The following EPHB1 variants were observed in gnomAD, a reference collection of about 807,000 sequenced individuals.
EPHB1 encodes ephrin type-B receptor 1.
Under a neutral mutation model 94.4 loss-of-function variants are expected in EPHB1, and 30 were observed. That is an observed-to-expected ratio of 0.32 (90% CI 0.24 to 0.43). The LOEUF is 0.43. Ranked by LOEUF, EPHB1 falls within the 20% of genes least tolerant of loss-of-function variation. The probability of loss-of-function intolerance (pLI) is 1.00; values close to 1 mark genes in which losing one functional copy is unlikely to be tolerated. For synonymous variants in EPHB1, 522 were observed against 489.1 expected (o/e 1.07, Z -0.89); for missense variants, 1,055 against 1,308.3 (o/e 0.81, Z 2.99).
At chr3:134,920,942 T>C (rs945194656) in intron 1 of EPHB1, among the ~76,000 whole-genome samples, 8 of 150,026 alleles carry the variant, frequency 5.3e-5, no homozygotes, top group African/African-American at 2.0e-4. Context: ...TGAGACGGGG[T>C]CTTGTTATGT....
intron 12 of EPHB1, among the ~76,000 whole-genome samples, chr3:135,231,130 C>T (rs1943521547): frequency 6.6e-6 from 1 of 152,170 alleles, no homozygotes; most frequent in Non-Finnish European, 1.5e-5. Context: ...CTTTATTGTC[C>T]CTGGCCTGGC....
chr3:135,095,637 T>C (rs1233255570), intron 3 of EPHB1, among the ~76,000 whole-genome samples: 1 of 152,084 alleles, frequency 6.6e-6, no homozygotes, highest in African/African-American at 2.4e-5. Context: ...AGGCTGCCCC[T>C]CCAAGCGCTC....
chr3:134,878,112 G>A (rs887885624), intron 1 of EPHB1, among the ~76,000 whole-genome samples: 3 of 152,224 alleles, frequency 2.0e-5, no homozygotes, highest in African/African-American at 7.2e-5. Flanking sequence ...CCCAGCTGAG[G>A]ACGGCCTTGG....
intron 1 of EPHB1, among the ~76,000 whole-genome samples, chr3:134,894,759 G>C (rs976252423): frequency 6.6e-5 from 10 of 152,188 alleles, no homozygotes; most frequent in Non-Finnish European, 1.2e-4. Context: ...TAGAAGGTAG[G>C]ATTTTCTCTG....
At chr3:134,889,204 C>A (rs1190353447) in intron 1 of EPHB1, among the ~76,000 whole-genome samples, 1 of 151,778 alleles carries the variant, frequency 6.6e-6, no homozygotes, top group African/African-American at 2.4e-5. Context: ...GAAGATAAGG[C>A]GGGAAGGAAG....
intron 12 of EPHB1, among the ~76,000 whole-genome samples, chr3:135,211,946 T>A (rs1943043370): frequency 6.6e-6 from 1 of 152,204 alleles, no homozygotes; most frequent in Non-Finnish European, 1.5e-5. Context: ...TTCCTCCTTC[T>A]GGTAGGGCTG....
chr3:134,969,268 T>C (rs1933882873), intron 3 of EPHB1, among the ~76,000 whole-genome samples: 1 of 152,262 alleles, frequency 6.6e-6, no homozygotes, highest in South Asian at 2.1e-4. Flanking sequence ...ATCATGATGT[T>C]GATGATCTTT....
intron 1 of EPHB1, among the ~76,000 whole-genome samples, chr3:134,862,415 C>G (rs1395913208): frequency 6.6e-6 from 1 of 151,376 alleles, no homozygotes; most frequent in Non-Finnish European, 1.5e-5. Context: ...ACAGTTCTTT[C>G]TCTGAGGGTA....
chr3:134,850,203 T>C (rs989668187), intron 1 of EPHB1, among the ~76,000 whole-genome samples: 1 of 152,242 alleles, frequency 6.6e-6, no homozygotes, highest in Admixed American at 6.5e-5. Flanking sequence ...TTAAAAGGCC[T>C]CTTTCTTTTC....
intron 3 of EPHB1, among the ~76,000 whole-genome samples, chr3:134,967,243 A>G (rs1248876847): frequency 2.6e-5 from 4 of 152,216 alleles, no homozygotes; most frequent in Non-Finnish European, 4.4e-5. Context: ...AAAAATGAAA[A>G]TGGAGTGGTG....
At chr3:134,868,759 A>G (rs768457675) in intron 1 of EPHB1, among the ~76,000 whole-genome samples, 3 of 152,260 alleles carry the variant, frequency 2.0e-5, no homozygotes, top group Admixed American at 1.3e-4. Context: ...TGGGAAAAAA[A>G]GCTGACAAAC....
At chr3:134,858,740 G>T (rs549254866) in intron 1 of EPHB1, among the ~76,000 whole-genome samples, 2 of 152,348 alleles carry the variant, frequency 1.3e-5, no homozygotes, top group African/African-American at 4.8e-5. Flanking sequence ...CACTAAGGTG[G>T]AGCAGGGAGG....
chr3:134,988,104 T>C (rs776185382), intron 3 of EPHB1, among the ~76,000 whole-genome samples: 20 of 152,206 alleles, frequency 1.3e-4, no homozygotes, highest in African/African-American at 1.7e-4. Context: ...AATTCTCAGT[T>C]GGCATCCATT....
At chr3:135,045,527 A>G (rs1336821965) in intron 3 of EPHB1, among the ~76,000 whole-genome samples, 2 of 152,278 alleles carry the variant, frequency 1.3e-5, no homozygotes, top group African/African-American at 4.8e-5. Flanking sequence ...TGAAATAACA[A>G]TAAACATACA....
At chr3:135,227,025 G>C (rs556939325) in intron 12 of EPHB1, among the ~76,000 whole-genome samples, 2 of 152,138 alleles carry the variant, frequency 1.3e-5, no homozygotes, top group African/African-American at 4.8e-5. Context: ...TGAAGGGTGG[G>C]GGACCAGGGA....
chr3:134,900,001 T>C (rs561425780), intron 1 of EPHB1, among the ~76,000 whole-genome samples: 40 of 152,320 alleles, frequency 2.6e-4, no homozygotes, highest in African/African-American at 9.6e-4. Context: ...TCATTGTGTC[T>C]ATGGTGATTA....
chr3:135,072,556 G>A (rs1388696452), intron 3 of EPHB1, among the ~76,000 whole-genome samples: 1 of 152,106 alleles, frequency 6.6e-6, no homozygotes, highest in Non-Finnish European at 1.5e-5. Flanking sequence ...TGCAGCCACA[G>A]CAGACTTCCC....
Position 135,201,513 on chromosome 3 carries a change from A to T in EPHB1, c.2170A>T (p.Met724Leu), listed in dbSNP as rs750495946. Residue 724 changes from methionine to leucine, a missense_variant, in exon 12 of 16, where the codon ATG (methionine) becomes TTG (leucine). By Grantham distance (15) the Met-to-Leu change is conservative. Coordinates refer to ENST00000398015, the MANE Select transcript of EPHB1 (RefSeq NM_004441.5). ...GTTCACCGTGATCCAGCTTGTGGGT[A>T]TGCTCAGGGGCATCGCTGCTGGCAT... ...GQFTVIQLVG[M>L]LRGIAAGMKY... 2.7e-5 allele frequency: 43 copies of T among 1,613,890 alleles called. No homozygotes were observed. In the Admixed American group the frequency reaches 2.7e-4, roughly 10 times the overall value.
At chr3:134,916,208 G>C (rs1361775339) in intron 1 of EPHB1, among the ~76,000 whole-genome samples, 1 of 152,206 alleles carries the variant, frequency 6.6e-6, no homozygotes, top group Non-Finnish European at 1.5e-5. Flanking sequence ...TAGATACAGA[G>C]TGCTGATTGG....
Sources: gnomAD v4.1 joint callset for allele counts (sites outside exome capture counted in the v4.1 genomes callset) on GRCh38, gnomAD v4.1.1 for gene constraint, MANE v1.5 for transcripts, NCBI Gene and HGNC (gene_info 2026-07-23, HGNC 2026-07-21) for gene names.